The following SEMA3A variants were observed in gnomAD, a reference collection of about 807,000 sequenced individuals.
SEMA3A encodes semaphorin-3A.
SEMA3A carries 29 observed loss-of-function variants against 97.9 expected under a neutral mutation model. The ratio of observed to expected loss-of-function variants is 0.30; its 90% CI spans 0.22 to 0.40. The LOEUF is 0.40. Among genes scored for constraint, SEMA3A ranks in the 10% least tolerant of loss-of-function variants. SEMA3A has a pLI of 1.00. For missense variants in SEMA3A, 763 were observed against 951.3 expected, an observed-to-expected ratio of 0.80 and a Z score of 2.60; for synonymous variants, 321 against 323.7, an observed-to-expected ratio of 0.99 and a Z score of 0.09.
intron 4 of SEMA3A, among the ~76,000 whole-genome samples, chr7:84,062,832 G>T (rs971770801): frequency 6.9e-6 from 1 of 144,464 alleles, no homozygotes. Flanking sequence ...AGGCCGCAGC[G>T]AGGCGGGGGG....
At chr7:84,188,688 A>T (rs1021800222) in intron 1 of SEMA3A, among the ~76,000 whole-genome samples, 1 of 151,754 alleles carries the variant, frequency 6.6e-6, no homozygotes, top group Non-Finnish European at 1.5e-5. Context: ...CATCATTCTA[A>T]TTGTTTAGTA....
intron 1 of SEMA3A, among the ~76,000 whole-genome samples, chr7:84,463,170 T>C (rs551956491): frequency 5.3e-4 from 80 of 151,860 alleles, no homozygotes; most frequent in African/African-American, 1.6e-3. Context: ...CTGCGTGCAT[T>C]ATTCCAAGGC....
In SEMA3A at chr7:83,977,134, T is replaced by C; in HGVS notation, c.1715A>G (p.His572Arg). The C allele has an allele frequency of 6.5e-7, 1 of 1,540,776 alleles. No homozygotes were observed. Among genetic ancestry groups the C allele is most frequent in the Non-Finnish European group, 8.8e-7 (1 of 1,139,202 alleles). The change falls in exon 15 of 17, where the codon CAT (histidine) becomes CGT (arginine). Residue 572 changes from histidine (H) to arginine (R), a missense_variant and splice_region_variant. By Grantham distance (29) the His-to-Arg change is conservative. Around this residue, in one of 2 missense-constraint regions of SEMA3A, gnomAD observed 678 missense variants for 881.3 expected, o/e 0.77. Coordinates refer to ENST00000265362, the MANE Select transcript of SEMA3A (RefSeq NM_006080.3). The stretch of plus-strand genomic sequence containing the variant: ...GAAAGATGAAAAATGTGACTTACCA[T>C]GGTGTAAGTCTGAACAGTGAGTCAG... ...DPLTHCSDLH[H>R]DNHHGHSPEE...
chr7:84,469,688 C>A (rs953865150), intron 1 of SEMA3A, among the ~76,000 whole-genome samples: 10 of 152,086 alleles, frequency 6.6e-5, no homozygotes, highest in Non-Finnish European at 1.0e-4. Context: ...AAAGTAAAAT[C>A]ATTCTTCTAA....
intron 3 of SEMA3A, chr7:84,306,728 T>C (rs952830831): frequency 6.6e-6 from 1 of 152,186 alleles, no homozygotes; most frequent in Non-Finnish European, 1.5e-5. Flanking sequence ...AAAATTAAGA[T>C]GGTGTAACAC....
intron 4 of SEMA3A, among the ~76,000 whole-genome samples, chr7:84,091,567 GT>G (rs1562775258): frequency 2.0e-5 from 3 of 152,120 alleles, no homozygotes; most frequent in Non-Finnish European, 2.9e-5. Flanking sequence ...ATTCAGCCGA[GT>G]GCTTTACTAG....
intron 3 of SEMA3A, among the ~76,000 whole-genome samples, chr7:84,272,287 T>C (rs2115707457): frequency 6.6e-6 from 1 of 152,216 alleles, no homozygotes; most frequent in East Asian, 1.9e-4. Flanking sequence ...GCTGATTTTG[T>C]AGACTTTGGA....
At chr7:84,174,637 A>G (rs1797503940) in intron 1 of SEMA3A, among the ~76,000 whole-genome samples, 1 of 152,206 alleles carries the variant, frequency 6.6e-6, no homozygotes. Flanking sequence ...ATGATTATGT[A>G]CTACTGGAGA....
chr7:84,068,062 G>T (rs1330701408), intron 4 of SEMA3A, among the ~76,000 whole-genome samples: 5 of 121,870 alleles, frequency 4.1e-5, no homozygotes, highest in Middle Eastern at 3.6e-3. Flanking sequence ...AGAAAATGTG[G>T]CACATATACA....
At chr7:84,099,398 T>G (rs1447228980) in intron 4 of SEMA3A, among the ~76,000 whole-genome samples, 1 of 152,106 alleles carries the variant, frequency 6.6e-6, no homozygotes, top group Non-Finnish European at 1.5e-5. Flanking sequence ...AAAAGTGCAT[T>G]TGAATTACTT....
At chr7:84,020,637 A>G (rs1269083285) in intron 6 of SEMA3A, among the ~76,000 whole-genome samples, 1 of 152,066 alleles carries the variant, frequency 6.6e-6, no homozygotes, top group Non-Finnish European at 1.5e-5. Context: ...GGTAAATCTC[A>G]TCAAAATAAA....
intron 1 of SEMA3A, among the ~76,000 whole-genome samples, chr7:84,149,732 AATT>A (rs1796571318): frequency 1.3e-5 from 2 of 152,238 alleles, no homozygotes; most frequent in Non-Finnish European, 2.9e-5. Flanking sequence ...ACAATGTTAA[AATT>A]ACAAGTCATA....
intron 3 of SEMA3A, among the ~76,000 whole-genome samples, chr7:84,285,915 G>A (rs1312528811): frequency 1.4e-5 from 2 of 147,040 alleles, no homozygotes; most frequent in East Asian, 4.2e-4. Flanking sequence ...TTGACTGTGA[G>A]TGAGACATGA....
Position 84,194,717 on chromosome 7 carries a change from A to G in SEMA3A, c.-131T>C. On this transcript the variant is annotated 5_prime_UTR_variant, in exon 1 of 17. Coordinates refer to ENST00000265362, the MANE Select transcript of SEMA3A (RefSeq NM_006080.3). ...TCAGTTTCATTCATAAATGCAGACA[A>G]TCAAGACCTCATGGCAACACTAACA... is the stretch of plus-strand genomic sequence containing the variant. 1.6e-6 allele frequency: 1 copy of G among 613,328 alleles called. No individual in the cohort carries two copies. Among genetic ancestry groups the G allele is most frequent in the Non-Finnish European group, 2.9e-6 (1 of 340,790 alleles). The allele number at this position is 613,328 out of a possible 1,614,324, so 38.0% of individuals were successfully genotyped here.
rs557129401 is a variant in SEMA3A, at chr7:84,276,896, C to T, written c.-83+30311G>A. Among the ~76,000 whole-genome samples, 8 of 152,140 alleles carry T rather than the reference C, an allele frequency of 5.3e-5. No homozygotes were observed. The South Asian group carries it at 8.3e-4, about 16-fold the overall frequency. ...GATCATGGCAGTCCCTCAATAAATA[C>T]GAAACTTAAATAGTTCAGACTTAGT... On this transcript the variant is annotated intron_variant, in intron 3 of 3. Transcript: ENST00000424555.
At position 84,062,895 on chromosome 7, in the gene SEMA3A, C is replaced by T. The variant is rs1266661261; in HGVS notation, c.454-2337G>A. ...TTAGGTAAACAAAGCAGCCTGGAAG[C>T]TCCAACTGGGTGGAGCCCACCACAG... is the stretch of plus-strand genomic sequence containing the variant. On this transcript the variant is annotated intron_variant, in intron 4 of 16. Transcript: ENST00000265362. Among the ~76,000 whole-genome samples the T allele has an allele frequency of 3.9e-5, 6 of 152,002 alleles. No homozygotes were observed. In the East Asian group the frequency reaches 1.2e-3, roughly 30 times the overall value.
chr7:84,090,351 C>T (rs1794525000), intron 4 of SEMA3A, among the ~76,000 whole-genome samples: 1 of 152,148 alleles, frequency 6.6e-6, no homozygotes, highest in Non-Finnish European at 1.5e-5. Flanking sequence ...TACACTCCCT[C>T]CTTTCTGTTT....
intron 1 of SEMA3A, among the ~76,000 whole-genome samples, chr7:84,142,960 C>A (rs945548843): frequency 4.0e-5 from 6 of 150,406 alleles, no homozygotes; most frequent in Non-Finnish European, 8.8e-5. Flanking sequence ...ATTACAGACC[C>A]ATGCAAGCCA....
At chr7:84,059,518 A>T (rs1267190696) in intron 5 of SEMA3A, among the ~76,000 whole-genome samples, 1 of 152,090 alleles carries the variant, frequency 6.6e-6, no homozygotes, top group Non-Finnish European at 1.5e-5. Context: ...TTATAAACTT[A>T]TGACATATCA....
Sources: allele counts gnomAD v4.1 joint callset (sites outside exome capture counted in the v4.1 genomes callset), GRCh38; gene constraint gnomAD v4.1.1; regional missense constraint gnomAD v4.1.1; transcripts MANE v1.5; gene names NCBI Gene and HGNC (gene_info 2026-07-23, HGNC 2026-07-21).